Variants in CACNA2D1 observed in about 807,000 individuals in gnomAD.
CACNA2D1 encodes voltage-dependent calcium channel subunit alpha-2/delta-1.
A neutral mutation model predicts 171.5 loss-of-function variants in CACNA2D1; 53 were observed. The observed-to-expected ratio is 0.31, with a 90% confidence interval of 0.25 to 0.39. The LOEUF (loss-of-function observed/expected upper bound fraction) is 0.39. Among genes scored for constraint, CACNA2D1 ranks in the 10% least tolerant of loss-of-function variants. CACNA2D1 has a pLI of 1.00. For missense variants in CACNA2D1, 903 were observed against 1,299.8 expected (o/e 0.69, Z 4.69); for synonymous variants, 442 against 443.1 (o/e 1.00, Z 0.03).
At chr7:82,168,153 T>C (rs562552834) in intron 4 of CACNA2D1, among the ~76,000 whole-genome samples, 94 of 152,148 alleles carry the variant, frequency 6.2e-4, no homozygotes, top group African/African-American at 2.1e-3. Flanking sequence ...TGGTGGGGGC[T>C]TGGGGGAGAT....
chr7:82,157,245 GA>G (rs1794465150), intron 4 of CACNA2D1, among the ~76,000 whole-genome samples: 1 of 152,036 alleles, frequency 6.6e-6, no homozygotes, highest in African/African-American at 2.4e-5. Flanking sequence ...ACTGTGAAAA[GA>G]AACAAAATCA....
chr7:82,163,157 T>G (rs1353872185), intron 4 of CACNA2D1, among the ~76,000 whole-genome samples: 6 of 152,058 alleles, frequency 3.9e-5, no homozygotes, highest in Non-Finnish European at 5.9e-5. Context: ...TGACAATAAA[T>G]GGAAATATAT....
intron 3 of CACNA2D1, among the ~76,000 whole-genome samples, chr7:82,173,767 G>T (rs1396500226): frequency 6.6e-6 from 1 of 151,986 alleles, no homozygotes; most frequent in African/African-American, 2.4e-5. Context: ...TCAAAGGCCA[G>T]GCACATGGCT....
chr7:82,018,945 A>C (rs1800841893), intron 12 of CACNA2D1, among the ~76,000 whole-genome samples: 2 of 124,764 alleles, frequency 1.6e-5, no homozygotes, highest in South Asian at 5.6e-4. Context: ...AGATCACACC[A>C]CTGCACTCTG....
intron 3 of CACNA2D1, among the ~76,000 whole-genome samples, chr7:82,252,192 T>C (rs1805724079): frequency 6.6e-6 from 1 of 152,180 alleles, no homozygotes; most frequent in East Asian, 1.9e-4. Context: ...TTTGCAACAA[T>C]AATAATAATA....
rs1562753917 is a variant in CACNA2D1, at chr7:81,947,652, G to A, written c.*2740C>T. Reference sequence around the variant, plus strand: ...TATAACAAAAATTAGTTAAAGCAGTGTATAAACTTTTTTATTGATCTGTTG... The same window carrying A: ...TATAACAAAAATTAGTTAAAGCAGTATATAAACTTTTTTATTGATCTGTTG... On this transcript the variant is annotated 3_prime_UTR_variant, in exon 39 of 39. Transcript: ENST00000356860. 6.6e-6 allele frequency: 1 copy of A among 151,910 alleles called. No homozygotes were observed. Among genetic ancestry groups the A allele is most frequent in the Non-Finnish European group, 1.5e-5 (1 of 67,872 alleles). 9.4% of individuals were successfully genotyped at this position (151,910 alleles called of 1,614,324 possible). A position where few individuals can be genotyped will look rare whatever the true frequency, so the allele number is the denominator to read the frequency against.
chr7:82,146,322 G>GTA (rs1267520754), intron 4 of CACNA2D1, among the ~76,000 whole-genome samples: 4 of 146,994 alleles, frequency 2.7e-5, no homozygotes, highest in Non-Finnish European at 6.0e-5. Context: ...GTGTGTGTGT[G>GTA]TGTGCGTGTG....
At chr7:82,005,184 A>G in intron 18 of CACNA2D1, 1 of 478,192 alleles carries the variant, frequency 2.1e-6, no homozygotes. Context: ...TCAGTGGGTG[A>G]TAATGGCTGT....
At chr7:82,026,215 G>A (rs1047834960) in intron 12 of CACNA2D1, among the ~76,000 whole-genome samples, 2 of 151,330 alleles carry the variant, frequency 1.3e-5, no homozygotes, top group African/African-American at 4.8e-5. Context: ...ATATAGTGTG[G>A]TTTTGTTTTT....
At chr7:81,955,131 G>GTT (rs1366169083) in intron 38 of CACNA2D1, among the ~76,000 whole-genome samples, 1 of 152,022 alleles carries the variant, frequency 6.6e-6, no homozygotes, top group Non-Finnish European at 1.5e-5. Flanking sequence ...AAAAAGTCTT[G>GTT]TTTGAACACT....
chr7:82,004,350 C>T (rs538802376), intron 18 of CACNA2D1, among the ~76,000 whole-genome samples: 3 of 151,796 alleles, frequency 2.0e-5, no homozygotes, highest in South Asian at 2.1e-4. Context: ...AACAGCTACA[C>T]GTGCTACAGA....
intron 1 of CACNA2D1, among the ~76,000 whole-genome samples, chr7:82,403,630 T>C (rs1410235133): frequency 6.6e-6 from 1 of 152,230 alleles, no homozygotes; most frequent in Admixed American, 6.5e-5. Context: ...GGCATCTTTC[T>C]AGAAGCACTT....
chr7:82,388,151 G>A (rs1459099237), intron 1 of CACNA2D1, among the ~76,000 whole-genome samples: 1 of 151,768 alleles, frequency 6.6e-6, no homozygotes, highest in Non-Finnish European at 1.5e-5. Context: ...TCTTCCTGCT[G>A]GCAGGGTTGG....
At chr7:82,437,670 A>T (rs766139515) in intron 1 of CACNA2D1, among the ~76,000 whole-genome samples, 1 of 149,580 alleles carries the variant, frequency 6.7e-6, no homozygotes, top group Non-Finnish European at 1.5e-5. Context: ...CACAAAGTCA[A>T]TCTTTTCCTC....
At chr7:82,340,279 T>G (rs920117611) in intron 2 of CACNA2D1, among the ~76,000 whole-genome samples, 4 of 152,082 alleles carry the variant, frequency 2.6e-5, no homozygotes, top group African/African-American at 9.7e-5. Context: ...CTAAATAACT[T>G]GAGTTCTTGC....
intron 1 of CACNA2D1, among the ~76,000 whole-genome samples, chr7:82,371,935 C>CA (rs1439696103): frequency 6.6e-6 from 1 of 151,858 alleles, no homozygotes; most frequent in African/African-American, 2.4e-5. Context: ...AAAACTCTAC[C>CA]AAAAAATCAT....
At chr7:82,321,018 TTAGCTC>T (rs1266703740) in intron 3 of CACNA2D1, among the ~76,000 whole-genome samples, 1 of 152,136 alleles carries the variant, frequency 6.6e-6, no homozygotes, top group East Asian at 1.9e-4. Flanking sequence ...AATGAACCTT[TTAGCTC>T]TAGCTAAAAG....
chr7:82,081,240 A>G (rs900489041), intron 7 of CACNA2D1, among the ~76,000 whole-genome samples: 2 of 152,210 alleles, frequency 1.3e-5, no homozygotes, highest in African/African-American at 2.4e-5. Flanking sequence ...GAGTCCTTCT[A>G]TATTATTTTG....
chr7:82,090,479 TATA>T (rs1329354189), intron 6 of CACNA2D1, among the ~76,000 whole-genome samples: 2 of 152,094 alleles, frequency 1.3e-5, no homozygotes, highest in Non-Finnish European at 2.9e-5. Context: ...TCATGTAATT[TATA>T]ATACTATTCT....
Sources: gnomAD v4.1 joint callset for allele counts (sites outside exome capture counted in the v4.1 genomes callset) on GRCh38, gnomAD v4.1.1 for gene constraint, MANE v1.5 for transcripts, NCBI Gene and HGNC (gene_info 2026-07-23, HGNC 2026-07-21) for gene names.